Variants in BCAR3 observed in about 807,000 individuals in gnomAD.
BCAR3 encodes BCAR3 adaptor protein, NSP family member.
BCAR3 carries 37 observed loss-of-function variants against 80.1 expected under a neutral mutation model. The observed-to-expected ratio is 0.46, with a 90% CI of 0.36 to 0.61. The LOEUF (loss-of-function observed/expected upper bound fraction) is 0.61. BCAR3 is among the 20% of genes least tolerant of loss of function. BCAR3 has a pLI of 0.00. For synonymous variants in BCAR3, 389 were observed against 418.9 expected, an observed-to-expected ratio of 0.93 and a Z score of 0.87; for missense variants, 978 against 1,068.2, an observed-to-expected ratio of 0.92 and a Z score of 1.18.
chr1:93,746,588 A>C (rs1651366965), intron 2 of BCAR3, among the ~76,000 whole-genome samples: 1 of 152,200 alleles, frequency 6.6e-6, no homozygotes, highest in Non-Finnish European at 1.5e-5. Context: ...CGGTGAACAC[A>C]AGGTTTGCCC....
chr1:93,835,587 A>C (rs1167635970), intron 2 of BCAR3, among the ~76,000 whole-genome samples: 1 of 148,342 alleles, frequency 6.7e-6, no homozygotes, highest in Non-Finnish European at 1.5e-5. Flanking sequence ...TGTAGGTTAC[A>C]AGCCGCTAGC....
intron 2 of BCAR3, among the ~76,000 whole-genome samples, chr1:93,757,499 G>A (rs930257959): frequency 7.2e-5 from 11 of 152,334 alleles, no homozygotes; most frequent in African/African-American, 2.6e-4. Flanking sequence ...AGATCATTTT[G>A]CAATATGTGT....
At chr1:93,717,174 G>A (rs190520844) in intron 2 of BCAR3, among the ~76,000 whole-genome samples, 2 of 152,290 alleles carry the variant, frequency 1.3e-5, no homozygotes, top group Non-Finnish European at 2.9e-5. Context: ...ACCTCATGGA[G>A]CAGAGATGAG....
At position 93,674,795 on chromosome 1, in the gene BCAR3, A is replaced by ACATCTTGCCTATG. The variant is rs750952721; in HGVS notation, c.135_136insCATAGGCAAGATG (p.Ser46HisfsTer24). Reference sequence around the variant, plus strand: ...TTCCGTGGAAGGGTGCCATGTATAGACACATCTTGATAGGCATCTGGGCGA... The same window carrying ACATCTTGCCTATG: ...TTCCGTGGAAGGGTGCCATGTATAGACATCTTGCCTATGCACATCTTGATAGGCATCTGGGCGA... On this transcript the variant is annotated frameshift_variant, in exon 2 of 12. Transcript: ENST00000260502. LOFTEE classifies it high-confidence loss of function. The ACATCTTGCCTATG allele has an allele frequency of 5.0e-6, 8 of 1,610,868 alleles. No homozygotes were observed. Among genetic ancestry groups the ACATCTTGCCTATG allele is most frequent in the Non-Finnish European group, 8.5e-7 (1 of 1,179,100 alleles).
At chr1:93,829,635 GCCA>G (rs1485232390) in intron 2 of BCAR3, among the ~76,000 whole-genome samples, 21 of 151,840 alleles carry the variant, frequency 1.4e-4, no homozygotes, top group Admixed American at 1.4e-3. Context: ...ACAGGCACGA[GCCA>G]CCACGCCTGG....
intron 2 of BCAR3, among the ~76,000 whole-genome samples, chr1:93,655,998 T>C (rs923111357): frequency 1.3e-5 from 2 of 152,218 alleles, no homozygotes; most frequent in African/African-American, 4.8e-5. Flanking sequence ...ACATTCTCTG[T>C]TTTCATTTGT....
intron 2 of BCAR3, among the ~76,000 whole-genome samples, chr1:93,749,911 T>G (rs1405603084): frequency 3.0e-4 from 46 of 151,220 alleles, no homozygotes; most frequent in African/African-American, 1.0e-3. Context: ...TTTTTGCTTC[T>G]CCTGCTTTGG....
Position 93,562,220 on chromosome 1 carries a change from T to C in BCAR3, c.*21A>G, listed in dbSNP as rs753238782. 24 of 1,597,824 alleles carry C rather than the reference T, an allele frequency of 1.5e-5. No individual in the cohort carries two copies. The highest frequency in any genetic ancestry group is 3.5e-5 in the Admixed American group (2 of 57,566). On this transcript the variant is annotated 3_prime_UTR_variant, in exon 12 of 12. Coordinates refer to ENST00000260502, the MANE Select transcript of BCAR3 (RefSeq NM_003567.4). ...GCTGGGGAAACTTGAAAAGATATTCTAAAGGTTCTCTGGAGAGTTATCAAA... is the reference window on the plus strand; with the variant it reads ...GCTGGGGAAACTTGAAAAGATATTCCAAAGGTTCTCTGGAGAGTTATCAAA...
chr1:93,653,065 T>C (rs1447193060), intron 2 of BCAR3, among the ~76,000 whole-genome samples: 1 of 152,254 alleles, frequency 6.6e-6, no homozygotes, highest in Non-Finnish European at 1.5e-5. Flanking sequence ...GGTCCTACTC[T>C]TCAGCAAAAT....
At chr1:93,657,977 C>T (rs986857193) in intron 2 of BCAR3, among the ~76,000 whole-genome samples, 71 of 149,946 alleles carry the variant, frequency 4.7e-4, no homozygotes, top group Non-Finnish European at 8.9e-4. Context: ...AGACAGTCTT[C>T]CTCTGTCACC....
intron 11 of BCAR3, among the ~76,000 whole-genome samples, chr1:93,565,880 G>A (rs141364444): frequency 6.7e-4 from 102 of 152,286 alleles, no homozygotes; most frequent in Non-Finnish European, 1.2e-3. Context: ...ATCAAACTGT[G>A]AGCCCTTGAA....
intron 3 of BCAR3, among the ~76,000 whole-genome samples, chr1:93,703,179 G>A (rs1649708672): frequency 6.6e-6 from 1 of 152,160 alleles, no homozygotes; most frequent in Admixed American, 6.5e-5. Context: ...GTGTGGTGAG[G>A]GGTCTCACTT....
Position 93,592,358 on chromosome 1 carries a change from G to C in BCAR3, c.393C>G (p.Pro131=). Residue 131 remains proline, a synonymous_variant, in exon 4 of 12, where the codon CCC becomes CCG. Transcript: ENST00000260502. This position sits in a 1 kb window ranked among gnomAD's most constrained non-coding sequence, Gnocchi z 4.8. ...SKERHIMDRT[P]EKLKKELEEE... ...CCTCCAGCTCCTTCTTCAGTTTCTC[G>C]GGGGTCCTGTCCATGATGTGCCTCT... The C allele has an allele frequency of 1.2e-6, 2 of 1,605,950 alleles. No individual in the cohort carries two copies. Among genetic ancestry groups the C allele is most frequent in the African/African-American group, 1.3e-5 (1 of 74,896 alleles).
chr1:93,847,121 C>T (rs1362667235), exon 1 of BCAR3: 1 of 231,028 alleles, frequency 4.3e-6, no homozygotes, highest in Non-Finnish European at 9.1e-6. Flanking sequence ...ACAGGCGCGA[C>T]GTAAAGGCCC....
intron 2 of BCAR3, among the ~76,000 whole-genome samples, chr1:93,769,611 A>G (rs60465681): frequency 0.018 from 2,776 of 152,102 alleles, 76 homozygotes; most frequent in African/African-American, 0.063. Flanking sequence ...TTGCATTTCA[A>G]TCTCTGGGAG....
chr1:93,759,759 A>C (rs1011857860), intron 2 of BCAR3, among the ~76,000 whole-genome samples: 6 of 152,196 alleles, frequency 3.9e-5, no homozygotes, highest in Non-Finnish European at 7.3e-5. Context: ...ATGAGCTGCC[A>C]TGAGCACACC....
At chr1:93,842,772 G>A (rs1382674287) in intron 2 of BCAR3, among the ~76,000 whole-genome samples, 2 of 152,112 alleles carry the variant, frequency 1.3e-5, no homozygotes, top group Non-Finnish European at 2.9e-5. Flanking sequence ...AACCTCGTCT[G>A]TTGACACATC....
At chr1:93,740,799 C>A (rs1651149758) in intron 2 of BCAR3, among the ~76,000 whole-genome samples, 1 of 152,134 alleles carries the variant, frequency 6.6e-6, no homozygotes, top group South Asian at 2.1e-4. Flanking sequence ...TAGGGACTAG[C>A]TGCCAAGCAG....
At chr1:93,609,883 C>T (rs1472569066) in intron 3 of BCAR3, among the ~76,000 whole-genome samples, 4 of 152,244 alleles carry the variant, frequency 2.6e-5, no homozygotes, top group Admixed American at 6.5e-5. Flanking sequence ...AAGGCTCTGC[C>T]TCCCTGCAGG....
Sources: allele counts gnomAD v4.1 joint callset (sites outside exome capture counted in the v4.1 genomes callset), GRCh38; gene constraint gnomAD v4.1.1; non-coding constraint Gnocchi (gnomAD v3.1); transcripts MANE v1.5; gene names NCBI Gene and HGNC (gene_info 2026-07-23, HGNC 2026-07-21).